Variants in PAK4 observed in about 807,000 individuals in gnomAD.
PAK4 encodes serine/threonine-protein kinase PAK 4.
PAK4 carries 49 observed loss-of-function variants against 53.5 expected under a neutral mutation model. The ratio of observed to expected loss-of-function variants is 0.92; its 90% CI spans 0.73 to 1.16. The LOEUF is 1.16. Ranked by LOEUF, PAK4 falls within the 50% of genes most tolerant of loss-of-function variation. The pLI is 0.00. For synonymous variants in PAK4, 376 were observed against 375.6 expected (o/e 1.00, Z -0.01); for missense variants, 824 against 850.7 (o/e 0.97, Z 0.39).
intron 1 of PAK4, among the ~76,000 whole-genome samples, chr19:39,162,401 G>A (rs2074299605): frequency 6.6e-6 from 1 of 152,142 alleles, no homozygotes; most frequent in African/African-American, 2.4e-5. Flanking sequence ...GACCACAGGC[G>A]CACACCACCA....
chr19:39,165,515 A>AAAATAAATAAAT (rs57100878), intron 1 of PAK4, among the ~76,000 whole-genome samples: 11,753 of 134,922 alleles, frequency 0.087, 689 homozygotes, highest in East Asian at 0.28. Flanking sequence ...ACTCCCTCTC[A>AAAATAAATAAAT]AAATAAATAA....
rs373495171 is a variant in PAK4, at chr19:39,128,267, T to TTGC, written c.-23+2364_-23+2366dup. On this transcript the variant is annotated intron_variant, in intron 1 of 8. Coordinates refer to ENST00000358301, the Ensembl canonical transcript of PAK4. Reference sequence around the variant, plus strand: ...AGTAGTTGCTGTGTAAGCATTAGTCTTGCTGCTGCTGCTGCTGCCACCCCA... The same window carrying TTGC: ...AGTAGTTGCTGTGTAAGCATTAGTCTTGCTGCTGCTGCTGCTGCTGCCACCCCA... Among the ~76,000 whole-genome samples, 32 of 152,260 alleles carry TTGC rather than the reference T, an allele frequency of 2.1e-4. 2 individuals carry two copies. In the East Asian group the frequency reaches 5.6e-3, roughly 27 times the overall value.
At chr19:39,147,851 T>G (rs896806147) in intron 1 of PAK4, among the ~76,000 whole-genome samples, 1 of 147,522 alleles carries the variant, frequency 6.8e-6, no homozygotes, top group South Asian at 2.1e-4. Context: ...GTTTTTTTTT[T>G]TTTTTTTTTT....
chr19:39,160,920 G>T (rs1441366533), intron 1 of PAK4, among the ~76,000 whole-genome samples: 1 of 152,230 alleles, frequency 6.6e-6, no homozygotes. Flanking sequence ...CTGGAGCCGG[G>T]ACCACTGGGG....
chr19:39,168,679 T>C (rs1385358920), intron 1 of PAK4: 1 of 152,236 alleles, frequency 6.6e-6, no homozygotes, highest in Non-Finnish European at 1.5e-5. Flanking sequence ...CTTTGTTTTT[T>C]AAAGTGGCTT....
rs533388624 is a variant in PAK4, at chr19:39,175,282, T to C, written c.1233-30T>C. The C allele has an allele frequency of 1.2e-5, 18 of 1,555,724 alleles. No homozygotes were observed. In the African/African-American group the frequency reaches 2.2e-4, roughly 19 times the overall value. ...TCGGCACCCCGGGGTGCTGTCCAGC[T>C]GGCTGCTCACCCCCCACCCCACCCC... On this transcript the variant is annotated intron_variant, in intron 5 of 8. Transcript: ENST00000358301. This position sits in a 1 kb window ranked among gnomAD's most constrained non-coding sequence, Gnocchi z 4.7.
intron 1 of PAK4, among the ~76,000 whole-genome samples, chr19:39,166,064 C>T (rs1458961288): frequency 1.3e-5 from 2 of 152,264 alleles, no homozygotes; most frequent in African/African-American, 2.4e-5. Context: ...CCGGCACTTA[C>T]TGAGCACTTA....
chr19:39,165,939 G>T lies in PAK4; in HGVS notation c.-22-3593G>T, dbSNP rs558486189. On this transcript the variant is annotated intron_variant, in intron 1 of 8. Transcript: ENST00000358301. Reference sequence around the variant, plus strand: ...TTGTTTTCCCTGTCTGTAATCCGGGGCTTATTAATGGCCCCTCCCTCCAGG... The same window carrying T: ...TTGTTTTCCCTGTCTGTAATCCGGGTCTTATTAATGGCCCCTCCCTCCAGG... 3.3e-5 allele frequency among the ~76,000 whole-genome samples: 5 copies of T among 152,308 alleles called. No homozygotes were observed. In the South Asian group the frequency reaches 1.0e-3, roughly 32 times the overall value.
chr19:39,173,311 G>T lies in PAK4; in HGVS notation c.598G>T (p.Ala200Ser). 6.3e-7 allele frequency: 1 copy of T among 1,599,352 alleles called. No homozygotes were observed. Among genetic ancestry groups the T allele is most frequent in the Non-Finnish European group, 8.5e-7 (1 of 1,172,438 alleles). Reference sequence around the variant, plus strand: ...TGGTCTGGCCAGTGGGGCGAAACTGGCAGCTGGCCGGCCCTTTAACACCTA... The same window carrying T: ...TGGTCTGGCCAGTGGGGCGAAACTGTCAGCTGGCCGGCCCTTTAACACCTA... The change falls in exon 3 of 9, where the codon GCA (alanine) becomes TCA (serine). Residue 200 changes from alanine to serine, a missense_variant. By Grantham distance (99) the Ala-to-Ser change is moderately conservative. Transcript: ENST00000358301. This position sits in a 1 kb window ranked among gnomAD's most constrained non-coding sequence, Gnocchi z 6.9.
rs1241719773 is a variant in PAK4 at position 39,178,847 on chromosome 19, C to G, written c.*268C>G. 1 of 428,162 alleles carries G rather than the reference C, an allele frequency of 2.3e-6. No individual in the cohort carries two copies. The highest frequency in any genetic ancestry group is 4.3e-5 in the East Asian group (1 of 23,210). 26.5% of individuals were successfully genotyped at this position (428,162 alleles called of 1,614,324 possible). A position where few individuals can be genotyped will look rare whatever the true frequency, so the allele number is the denominator to read the frequency against. ...GGCCCTCCCCCATGTTCTTCTGTCT[C>G]CAGGAAGGGCAGCGGCCCTCCCATC... On this transcript the variant is annotated 3_prime_UTR_variant, in exon 9 of 9. Transcript: ENST00000358301. The surrounding 1 kb of genome is among the most constrained non-coding windows in gnomAD (Gnocchi z 4.4).
intron 1 of PAK4, among the ~76,000 whole-genome samples, chr19:39,156,094 C>A (rs2074175373): frequency 1.3e-5 from 2 of 152,210 alleles, no homozygotes; most frequent in African/African-American, 2.4e-5. Flanking sequence ...TCACCGTGGT[C>A]TCCCCTGACC....
chr19:39,136,232 C>G (rs567663721), intron 1 of PAK4, among the ~76,000 whole-genome samples: 9 of 151,206 alleles, frequency 6.0e-5, no homozygotes, highest in African/African-American at 9.8e-5. Context: ...TTCTCCCCCA[C>G]TGTCCCCACA....
rs185941563 is a variant in PAK4, at chr19:39,173,076, G to A, written c.363G>A (p.Pro121=). ...AGGAAAATGGGATGCCAGAGGAGCC[G>A]GCCACCACGGCCAGAGGGGGCCCAG... The change falls in exon 3 of 9, where the codon CCG becomes CCA. Residue 121 remains proline, a synonymous_variant. Coordinates refer to ENST00000358301, the Ensembl canonical transcript of PAK4. This position sits in a 1 kb window ranked among gnomAD's most constrained non-coding sequence, Gnocchi z 6.9. 381 of 1,548,734 alleles carry A rather than the reference G, an allele frequency of 2.5e-4. 3 individuals carry two copies. The African/African-American group carries it at 3.5e-3, about 14-fold the overall frequency.
At chr19:39,130,309 C>A (rs1385763438) in intron 1 of PAK4, among the ~76,000 whole-genome samples, 2 of 148,778 alleles carry the variant, frequency 1.3e-5, no homozygotes, top group Admixed American at 6.7e-5. Flanking sequence ...TGGGGAAACC[C>A]AGGCAGAGGG....
chr19:39,138,325 T>C (rs1285213770), intron 1 of PAK4, among the ~76,000 whole-genome samples: 4 of 152,174 alleles, frequency 2.6e-5, no homozygotes, highest in African/African-American at 9.7e-5. Flanking sequence ...AGTGCTGGGA[T>C]TACAGGCATG....
chr19:39,175,541 G>C lies in PAK4; in HGVS notation c.1359+103G>C. The C allele has an allele frequency of 2.3e-6, 3 of 1,278,232 alleles. No individual in the cohort carries two copies. Among genetic ancestry groups the C allele is most frequent in the Non-Finnish European group, 3.2e-6 (3 of 924,338 alleles). The allele number at this position is 1,278,232 out of a possible 1,614,324, so 79.2% of individuals were successfully genotyped here. On this transcript the variant is annotated intron_variant, in intron 6 of 8. Coordinates refer to ENST00000358301, the Ensembl canonical transcript of PAK4. This position sits in a 1 kb window ranked among gnomAD's most constrained non-coding sequence, Gnocchi z 4.7. ...GAGGGTAGGTGAGCTCTGACCCCCA[G>C]GTCTGTGTCTTGAGGAGCTGGGAAC...
chr19:39,129,478 G>A (rs1052498915), intron 1 of PAK4, among the ~76,000 whole-genome samples: 1 of 152,096 alleles, frequency 6.6e-6, no homozygotes, highest in East Asian at 1.9e-4. Context: ...CTTTCCTAGC[G>A]GTTGCCAAGT....
chr19:39,136,096 A>G (rs1377496295), intron 1 of PAK4, among the ~76,000 whole-genome samples: 1 of 76,720 alleles, frequency 1.3e-5, no homozygotes, highest in Non-Finnish European at 2.4e-5. Context: ...CTTCCTCGTC[A>G]CCCCCCTTCC....
At chr19:39,151,739 A>G (rs2074097322) in intron 1 of PAK4, among the ~76,000 whole-genome samples, 1 of 152,196 alleles carries the variant, frequency 6.6e-6, no homozygotes, top group Non-Finnish European at 1.5e-5. Context: ...CCAAAAGTAC[A>G]TGGAAAATTC....
Sources: allele counts gnomAD v4.1 joint callset (sites outside exome capture counted in the v4.1 genomes callset), GRCh38; gene constraint gnomAD v4.1.1; non-coding constraint Gnocchi (gnomAD v3.1); transcripts MANE v1.5; gene names NCBI Gene and HGNC (gene_info 2026-07-23, HGNC 2026-07-21).